The following CACNA1C variants were observed in gnomAD, a reference collection of about 807,000 sequenced individuals.
CACNA1C encodes the protein voltage-dependent L-type calcium channel subunit alpha-1C.
A neutral mutation model predicts 229.0 loss-of-function variants in CACNA1C; 30 were observed. That is an observed-to-expected ratio of 0.13 (90% CI 0.10 to 0.18). The LOEUF is 0.18. CACNA1C is among the 10% of genes least tolerant of loss of function. The pLI, the probability that CACNA1C is intolerant of heterozygous loss-of-function variation, is 1.00. For missense variants in CACNA1C, 1,658 were observed against 2,845.0 expected, an observed-to-expected ratio of 0.58 and a Z score of 9.49; for synonymous variants, 1,114 against 1,132.5, an observed-to-expected ratio of 0.98 and a Z score of 0.33.
chr12:2,696,517 G>C lies in CACNA1C; in HGVS notation c.*5318G>C, dbSNP rs1259585922. On this transcript the variant is annotated 3_prime_UTR_variant, in exon 47 of 47. Coordinates refer to ENST00000399655, the MANE Select transcript of CACNA1C (RefSeq NM_000719.7). The stretch of plus-strand genomic sequence containing the variant: ...TTGTAGGGATCCCAGAAAGGGCACT[G>C]TGCCACTTCCCCTGGTGTGAATCAG... 6.6e-6 allele frequency: 1 copy of C among 151,134 alleles called. No individual in the cohort carries two copies. The highest frequency in any genetic ancestry group is 2.4e-5 in the African/African-American group (1 of 40,946). 9.4% of individuals were successfully genotyped at this position (151,134 alleles called of 1,614,324 possible). A position where few individuals can be genotyped will look rare whatever the true frequency, so the allele number is the denominator to read the frequency against.
Position 2,639,961 on chromosome 12 carries a change from T to A in CACNA1C, c.3912+5581T>A, listed in dbSNP as rs216026. Among the ~76,000 whole-genome samples the A allele has an allele frequency of 2.6e-5, 4 of 151,924 alleles. No individual in the cohort carries two copies. Among genetic ancestry groups the A allele is most frequent in the Admixed American group, 6.5e-5 (1 of 15,272 alleles). ...GCCCTGGAGCTTCTGGGCACAGCTC[T>A]CAGGAGGAATTGCTGGAGGCTTTGC... On this transcript the variant is annotated intron_variant, in intron 30 of 46. Transcript: ENST00000399655. The surrounding 1 kb of genome is among the most constrained non-coding windows in gnomAD (Gnocchi z 4.2).
chr12:2,107,684 T>G (rs947250932), intron 1 of CACNA1C, among the ~76,000 whole-genome samples: 20 of 152,398 alleles, frequency 1.3e-4, no homozygotes, highest in Admixed American at 3.3e-4. Context: ...TCTACATTGT[T>G]TTTTGGGTCT....
intron 3 of CACNA1C, among the ~76,000 whole-genome samples, chr12:2,203,779 G>A (rs2097671354): frequency 6.6e-6 from 1 of 152,122 alleles, no homozygotes; most frequent in East Asian, 1.9e-4. Context: ...TTGGTCCTGG[G>A]TTGCATGCAT....
chr12:1,972,179 C>T (rs1172787728), intron 1 of CACNA1C, among the ~76,000 whole-genome samples: 1 of 152,230 alleles, frequency 6.6e-6, no homozygotes, highest in Non-Finnish European at 1.5e-5. Context: ...ATTACACAAA[C>T]CTCTTCTGGG....
Position 2,566,484 on chromosome 12 carries a change from A to G in CACNA1C, c.1571A>G (p.Asn524Ser). The change falls in exon 12 of 47, where the codon AAT (asparagine) becomes AGT (serine). Residue 524 changes from asparagine to serine, a missense_variant. This residue lies in a region of CACNA1C where 149 missense variants were observed against 194.2 expected (regional missense o/e 0.77). Transcript: ENST00000399655. The surrounding 1 kb of genome is among the most constrained non-coding windows in gnomAD (Gnocchi z 4.0). The stretch of plus-strand genomic sequence containing the variant: ...AAGTGCCGCGCCGCAGTCAAGTCTA[A>G]TGTCTTCTACTGGCTGGTGATTTTC... ...RRKCRAAVKSNVFYWLVIFLV... is the reference protein window; with the variant it reads ...RRKCRAAVKSSVFYWLVIFLV... 3 of 1,596,314 alleles carry G rather than the reference A, an allele frequency of 1.9e-6. No homozygotes were observed. Among genetic ancestry groups the G allele is most frequent in the Non-Finnish European group, 2.6e-6 (3 of 1,171,424 alleles).
intron 30 of CACNA1C, among the ~76,000 whole-genome samples, chr12:2,643,440 C>G (rs188870587): frequency 2.8e-4 from 42 of 152,360 alleles, no homozygotes; most frequent in African/African-American, 9.6e-4. Flanking sequence ...ACGCATACCT[C>G]ATTCATTTGC....
Position 2,071,367 on chromosome 12 carries a change from G to A in CACNA1C, c.49+17756G>A, listed in dbSNP as rs149960116. ...TGAGTAGCTGGGACTGGAGATGTGC[G>A]GCACCATGCCCAACTAATTGTTTCA... On this transcript the variant is annotated intron_variant, in intron 1 of 46. Transcript: ENST00000399655. Among the ~76,000 whole-genome samples, 51 of 151,320 alleles carry A rather than the reference G, an allele frequency of 3.4e-4. No individual in the cohort carries two copies. In the East Asian group the frequency reaches 5.5e-3, roughly 16 times the overall value.
intron 4 of CACNA1C, among the ~76,000 whole-genome samples, chr12:2,457,134 A>AG (rs574793248): frequency 7.5e-4 from 114 of 151,876 alleles, no homozygotes; most frequent in Non-Finnish European, 1.4e-3. Context: ...CAAGTCAAAG[A>AG]GGGGGGGTAT....
rs1210160027 is a variant in CACNA1C, at chr12:2,550,448, ATAAATGTG to A, written c.1481+416_1481+423del. On this transcript the variant is annotated intron_variant, in intron 10 of 46. Coordinates refer to ENST00000399655, the MANE Select transcript of CACNA1C (RefSeq NM_000719.7). ...CCTGCTGGCCACCCTTTCCATTCTG[ATAAATGTG>A]ACCTGGGAGAGAAGCAGCCAGGTGA... 69 of 1,072,678 alleles carry A rather than the reference ATAAATGTG, an allele frequency of 6.4e-5. No individual in the cohort carries two copies. In the Admixed American group the frequency reaches 1.5e-3, roughly 23 times the overall value. The allele number at this position is 1,072,678 out of a possible 1,614,324, so 66.4% of individuals were successfully genotyped here.
At chr12:2,463,131 G>T (rs1054980796) in intron 5 of CACNA1C, among the ~76,000 whole-genome samples, 2 of 151,926 alleles carry the variant, frequency 1.3e-5, no homozygotes, top group Non-Finnish European at 2.9e-5. Flanking sequence ...GGATGGTCTC[G>T]ATCTCCTGAC....
intron 3 of CACNA1C, among the ~76,000 whole-genome samples, chr12:2,363,368 G>A (rs2097622455): frequency 6.6e-6 from 1 of 152,102 alleles, no homozygotes; most frequent in African/African-American, 2.4e-5. Flanking sequence ...CTATATTCCT[G>A]CTTTTGGAAA....
chr12:2,000,335 C>T (rs2041899622), intron 1 of CACNA1C, among the ~76,000 whole-genome samples: 1 of 152,176 alleles, frequency 6.6e-6, no homozygotes, highest in Admixed American at 6.5e-5. Context: ...CCTGGTCTTC[C>T]AGTATCTGAC....
At chr12:2,052,070 C>T (rs1046840747), upstream of CACNA1C, among the ~76,000 whole-genome samples, 1 of 152,104 alleles carries the variant, frequency 6.6e-6, no homozygotes, top group African/African-American at 2.4e-5. Flanking sequence ...CAGGGGGTGC[C>T]GTGGAACTTG....
chr12:2,424,725 G>T (rs939379921), intron 3 of CACNA1C, among the ~76,000 whole-genome samples: 4 of 152,220 alleles, frequency 2.6e-5, no homozygotes, highest in African/African-American at 9.6e-5. Flanking sequence ...CCATTGTGAA[G>T]TGGCAAAGTC....
rs193185834 is a variant in CACNA1C at position 2,689,416 on chromosome 12, G to C, written c.6117+637G>C. On this transcript the variant is annotated intron_variant, in intron 46 of 46. Transcript: ENST00000399655. The surrounding 1 kb of genome is among the most constrained non-coding windows in gnomAD (Gnocchi z 4.2). ...GAATTCGGGAAGAAAACCTGGAGAG[G>C]AGGTGACTTTGGAGGGTGCGATACA... 2.7e-3 allele frequency among the ~76,000 whole-genome samples: 411 copies of C among 152,214 alleles called. 3 individuals carry two copies. Among genetic ancestry groups the C allele is most frequent in the African/African-American group, 9.6e-3 (397 of 41,522 alleles).
chr12:2,316,697 C>T (rs1421834928), intron 3 of CACNA1C, among the ~76,000 whole-genome samples: 2 of 152,206 alleles, frequency 1.3e-5, no homozygotes, highest in African/African-American at 4.8e-5. Context: ...GCCCAAACAC[C>T]ATGAACTCAT....
intron 3 of CACNA1C, among the ~76,000 whole-genome samples, chr12:2,151,709 A>C (rs1329755430): frequency 2.0e-5 from 3 of 152,152 alleles, no homozygotes; most frequent in African/African-American, 7.2e-5. Flanking sequence ...GGCCTCCATC[A>C]TGAAGAGAGT....
upstream of CACNA1C, among the ~76,000 whole-genome samples, chr12:2,052,475 G>A (rs781134139): frequency 1.4e-4 from 21 of 151,954 alleles, no homozygotes; most frequent in Non-Finnish European, 2.8e-4. Flanking sequence ...TTGGAATTCC[G>A]CTCACAGAGG....
At chr12:2,413,884 C>G (rs1392127054) in intron 3 of CACNA1C, among the ~76,000 whole-genome samples, 2 of 152,204 alleles carry the variant, frequency 1.3e-5, no homozygotes, top group Non-Finnish European at 2.9e-5. Context: ...CCAGGCACTT[C>G]TTTGTTAGGG....
Sources: gnomAD v4.1 joint callset for allele counts (sites outside exome capture counted in the v4.1 genomes callset) on GRCh38, gnomAD v4.1.1 for gene constraint, gnomAD v4.1.1 regional missense constraint, Gnocchi (gnomAD v3.1) non-coding constraint, MANE v1.5 for transcripts, NCBI Gene and HGNC (gene_info 2026-07-23, HGNC 2026-07-21) for gene names.